Variants in C8orf34 observed in about 807,000 individuals in gnomAD.
The protein encoded by C8orf34 is chromosome 8 open reading frame 34, also known as uncharacterized protein C8orf34.
Under a neutral mutation model 68.3 loss-of-function variants are expected in C8orf34, and 65 were observed. That is an observed-to-expected ratio of 0.95 (90% confidence interval 0.78 to 1.17). The LOEUF (loss-of-function observed/expected upper bound fraction) is 1.17. Among genes scored for constraint, C8orf34 ranks in the 50% most tolerant of loss-of-function variants. The pLI, the probability that C8orf34 is intolerant of heterozygous loss-of-function variation, is 0.00. For synonymous variants in C8orf34, 244 were observed against 241.2 expected, an observed-to-expected ratio of 1.01 and a Z score of -0.11; for missense variants, 664 against 655.4, an observed-to-expected ratio of 1.01 and a Z score of -0.14.
chr8:68,434,394 A>C (rs1810570922), intron 1 of C8orf34, among the ~76,000 whole-genome samples: 1 of 152,130 alleles, frequency 6.6e-6, no homozygotes, highest in South Asian at 2.1e-4. Context: ...GAGTGAGAAC[A>C]TGTGGTATTT....
At chr8:68,800,980 A>G (rs1002883124) in intron 12 of C8orf34, among the ~76,000 whole-genome samples, 2 of 152,190 alleles carry the variant, frequency 1.3e-5, no homozygotes, top group Non-Finnish European at 2.9e-5. Context: ...TTTATTGTCT[A>G]TGAGGCTATG....
intron 8 of C8orf34, among the ~76,000 whole-genome samples, chr8:68,644,069 C>T (rs183295164): frequency 7.2e-5 from 11 of 152,106 alleles, no homozygotes; most frequent in Admixed American, 2.0e-4. Context: ...TCTCCCTTTA[C>T]CTTCTAAACA....
chr8:68,373,964 A>G (rs1165884396), intron 1 of C8orf34, among the ~76,000 whole-genome samples: 1 of 152,184 alleles, frequency 6.6e-6, no homozygotes, highest in Non-Finnish European at 1.5e-5. Context: ...TGCCCAGGCT[A>G]AAGCACAATG....
rs187769268 is a variant in C8orf34, at chr8:68,461,584, G to A, written c.608-7108G>A. Among the ~76,000 whole-genome samples, 1,382 of 152,332 alleles carry A rather than the reference G, an allele frequency of 9.1e-3. 10 individuals carry two copies. The highest frequency in any genetic ancestry group is 0.016 in the Non-Finnish European group (1,084 of 68,024). On this transcript the variant is annotated intron_variant, in intron 3 of 13. Coordinates refer to ENST00000518698, the MANE Select transcript of C8orf34 (RefSeq NM_052958.4). The stretch of plus-strand genomic sequence containing the variant: ...CAAAGGGGAGCCCATCAGACTAAGA[G>A]CGGATCTCTCGGCAGAAACTCTACA...
intron 3 of C8orf34, among the ~76,000 whole-genome samples, chr8:68,464,999 C>G (rs1489944753): frequency 6.6e-6 from 1 of 150,824 alleles, no homozygotes; most frequent in Non-Finnish European, 1.5e-5. Flanking sequence ...AAACTACCAT[C>G]AGAGTGAACA....
At chr8:68,606,491 A>G (rs1221884138) in intron 7 of C8orf34, among the ~76,000 whole-genome samples, 1 of 152,114 alleles carries the variant, frequency 6.6e-6, no homozygotes, top group Non-Finnish European at 1.5e-5. Context: ...TAATCTACTA[A>G]TTGGCTTTCT....
chr8:68,758,106 C>T (rs764343132), intron 10 of C8orf34, among the ~76,000 whole-genome samples: 2 of 152,210 alleles, frequency 1.3e-5, no homozygotes, highest in Non-Finnish European at 2.9e-5. Flanking sequence ...GATGCAATTA[C>T]AATGAGACTC....
chr8:68,343,317 G>A (rs1242215531), intron 1 of C8orf34, among the ~76,000 whole-genome samples: 1 of 152,168 alleles, frequency 6.6e-6, no homozygotes, highest in Non-Finnish European at 1.5e-5. Flanking sequence ...ACCAAATGAT[G>A]GTGAGGATGA....
intron 10 of C8orf34, among the ~76,000 whole-genome samples, chr8:68,743,087 A>G (rs966524987): frequency 6.6e-6 from 1 of 152,110 alleles, no homozygotes; most frequent in Non-Finnish European, 1.5e-5. Flanking sequence ...CATGATTTCT[A>G]TTGAATTTAA....
intron 12 of C8orf34, among the ~76,000 whole-genome samples, chr8:68,804,210 G>A (rs1472631356): frequency 1.3e-5 from 2 of 152,042 alleles, no homozygotes; most frequent in African/African-American, 4.8e-5. Flanking sequence ...AGCCAAATCT[G>A]CCATCTTCAA....
intron 8 of C8orf34, among the ~76,000 whole-genome samples, chr8:68,653,019 A>G (rs1265762220): frequency 6.6e-6 from 1 of 152,222 alleles, no homozygotes; most frequent in Non-Finnish European, 1.5e-5. Flanking sequence ...TTGGTTCTGT[A>G]ACAGAAAATT....
chr8:68,777,652 G>A (rs1485356207), intron 11 of C8orf34, among the ~76,000 whole-genome samples: 1 of 152,124 alleles, frequency 6.6e-6, no homozygotes, highest in African/African-American at 2.4e-5. Context: ...ATCTCCATTT[G>A]ATTTATATGC....
chr8:68,432,890 C>G (rs978040053), intron 1 of C8orf34, among the ~76,000 whole-genome samples: 1 of 152,126 alleles, frequency 6.6e-6, no homozygotes, highest in African/African-American at 2.4e-5. Flanking sequence ...GAAAAACATG[C>G]TTACCATTCT....
At chr8:68,393,590 C>CA (rs5892145) in intron 1 of C8orf34, among the ~76,000 whole-genome samples, 64,353 of 151,046 alleles carry the variant, frequency 0.43, 13,961 homozygotes, top group Non-Finnish European at 0.48. Flanking sequence ...GACACCATGG[C>CA]AAAAAAATAG....
Position 68,388,100 on chromosome 8 carries a change from C to T in C8orf34, c.328-51399C>T, listed in dbSNP as rs536964994. On this transcript the variant is annotated intron_variant, in intron 1 of 13. Transcript: ENST00000518698. Reference sequence around the variant, plus strand: ...CCAATTATGAATTCCATGAAGATTGCTTCTGGTTTTTGTTCCCAAGACCAA... The same window carrying T: ...CCAATTATGAATTCCATGAAGATTGTTTCTGGTTTTTGTTCCCAAGACCAA... 5.3e-5 allele frequency among the ~76,000 whole-genome samples: 8 copies of T among 152,230 alleles called. No homozygotes were observed. The South Asian group carries it at 1.7e-3, about 32-fold the overall frequency.
chr8:68,795,228 T>G, intron 12 of C8orf34, among the ~76,000 whole-genome samples: 1 of 152,288 alleles, frequency 6.6e-6, no homozygotes, highest in East Asian at 1.9e-4. Context: ...CATAATTGCC[T>G]TTAGTTGTTT....
chr8:68,380,107 C>T (rs1438695907), intron 1 of C8orf34, among the ~76,000 whole-genome samples: 1 of 152,182 alleles, frequency 6.6e-6, no homozygotes, highest in Non-Finnish European at 1.5e-5. Flanking sequence ...AGTAATTTTC[C>T]TGCCTTCACC....
At chr8:68,746,826 T>A (rs920162031) in intron 10 of C8orf34, among the ~76,000 whole-genome samples, 3 of 151,630 alleles carry the variant, frequency 2.0e-5, no homozygotes, top group Admixed American at 2.0e-4. Context: ...CTGGTACCAT[T>A]CCTTCTGAAA....
At chr8:68,353,008 G>A (rs117267040) in intron 1 of C8orf34, among the ~76,000 whole-genome samples, 2 of 152,064 alleles carry the variant, frequency 1.3e-5, no homozygotes, top group South Asian at 2.1e-4. Flanking sequence ...GCAACATAAT[G>A]AAGTAGATAA....
Sources: allele counts gnomAD v4.1 joint callset (sites outside exome capture counted in the v4.1 genomes callset), GRCh38; gene constraint gnomAD v4.1.1; transcripts MANE v1.5; gene names NCBI Gene and HGNC (gene_info 2026-07-23, HGNC 2026-07-21).